ACOT7: variants seen among roughly 807,000 people sequenced by gnomAD.
ACOT7 encodes the protein cytosolic acyl coenzyme A thioester hydrolase.
In ACOT7, 12 loss-of-function variants were observed where a neutral mutation model predicts 40.2. That is an observed-to-expected ratio of 0.30 (90% CI 0.19 to 0.48). The LOEUF is 0.48. Among genes scored for constraint, ACOT7 ranks in the 20% least tolerant of loss-of-function variants. ACOT7 has a pLI of 0.99. For synonymous variants in ACOT7, 228 were observed against 219.5 expected (o/e 1.04, Z -0.34); for missense variants, 395 against 530.8 (o/e 0.74, Z 2.51).
intron 8 of ACOT7, among the ~76,000 whole-genome samples, chr1:6,273,790 C>G (rs1313070843): frequency 6.6e-6 from 1 of 152,278 alleles, no homozygotes; most frequent in Admixed American, 6.5e-5. Context: ...CTGCGCGCGG[C>G]CACCACACAG....
chr1:6,300,970 G>A (rs1199299369), intron 6 of ACOT7, among the ~76,000 whole-genome samples: 2 of 152,254 alleles, frequency 1.3e-5, no homozygotes, highest in South Asian at 4.1e-4. Flanking sequence ...GGTAGGATGG[G>A]ACCGGACCTG....
chr1:6,367,042 T>C (rs1463008900), intron 1 of ACOT7, among the ~76,000 whole-genome samples: 2 of 151,458 alleles, frequency 1.3e-5, no homozygotes, highest in Non-Finnish European at 2.9e-5. Flanking sequence ...ACTAAAAATA[T>C]AAAAAAATTA....
rs753782778 is a variant in ACOT7 at position 6,385,451 on chromosome 1, C to T, written c.143+7806G>A. 1.0e-5 allele frequency: 16 copies of T among 1,580,364 alleles called. No homozygotes were observed. In the East Asian group the frequency reaches 1.1e-4, roughly 11 times the overall value. ...GGCCCTGGCTGCCCAGTCGGCGTCG[C>T]AAGTGAGACACCATGGGCACAAAAT... On this transcript the variant is annotated intron_variant, in intron 1 of 8. Transcript: ENST00000361521.
In ACOT7 at chr1:6,327,406, C is replaced by A; in HGVS notation, c.518G>T (p.Arg173Leu). ...VLEVPPVVYS[R>L]QEQEEEGRKR... ...CCGGCCCTCCTCCTCCTGCTCCTGC[C>A]GGGAATACTGCGAGAAACCAAAGAC... Residue 173 changes from arginine (R) to leucine (L), a missense_variant, in exon 5 of 9, where the codon CGG (arginine) becomes CTG (leucine). Around this residue, in one of 2 missense-constraint regions of ACOT7, gnomAD observed 309 missense variants for 470.3 expected, o/e 0.66. Transcript: ENST00000361521. The A allele has an allele frequency of 6.2e-7, 1 of 1,614,116 alleles. No individual in the cohort carries two copies.
At chr1:6,276,386 C>T (rs537585789) in intron 8 of ACOT7, among the ~76,000 whole-genome samples, 5 of 152,248 alleles carry the variant, frequency 3.3e-5, no homozygotes, top group African/African-American at 1.2e-4. Context: ...CACGGGGAGG[C>T]CTGCCTCTAC....
intron 4 of ACOT7, among the ~76,000 whole-genome samples, chr1:6,327,665 T>C (rs1472148484): frequency 1.3e-5 from 2 of 152,238 alleles, no homozygotes; most frequent in African/African-American, 2.4e-5. Flanking sequence ...CCTACAAATA[T>C]ATAAAAAGCT....
intron 7 of ACOT7, 32 bp from the exon 8 acceptor site, chr1:6,281,318 G>A (rs756242866): frequency 4.9e-5 from 78 of 1,586,998 alleles, no homozygotes; most frequent in South Asian, 2.8e-4. Flanking sequence ...GGTCAGGGCG[G>A]CCTCCACCCC....
In ACOT7 at chr1:6,276,090, G is replaced by A. The variant is rs146606629; in HGVS notation, c.1014+5012C>T. On this transcript the variant is annotated intron_variant, in intron 8 of 8. Coordinates refer to ENST00000361521, the MANE Select transcript of ACOT7 (RefSeq NM_007274.4). ...GGGGCCTCAGCGAGCCCCTCACCCC[G>A]CCCTGTCTACACCTCCTCCTCAGGC... Among the ~76,000 whole-genome samples the A allele has an allele frequency of 3.4e-3, 514 of 152,120 alleles. 2 individuals are homozygous for A. The highest frequency in any genetic ancestry group is 0.011 in the African/African-American group (454 of 41,516).
chr1:6,304,530 A>AG (rs1640066511), intron 6 of ACOT7, among the ~76,000 whole-genome samples: 1 of 135,520 alleles, frequency 7.4e-6, no homozygotes, highest in Non-Finnish European at 1.6e-5. Flanking sequence ...TCCTAGGCAG[A>AG]GGACCCTGCG....
intron 1 of ACOT7, among the ~76,000 whole-genome samples, chr1:6,369,610 G>A (rs1420732082): frequency 4.1e-5 from 6 of 148,124 alleles, no homozygotes; most frequent in African/African-American, 1.2e-4. Flanking sequence ...ATGGAGTCTC[G>A]CTGTATCGCC....
chr1:6,318,394 A>T, intron 6 of ACOT7, 98 bp downstream of exon 6: 1 of 1,340,948 alleles, frequency 7.5e-7, no homozygotes, highest in Non-Finnish European at 1.0e-6. Flanking sequence ...TTCACCAAAC[A>T]CAAGAGCCTC....
intron 1 of ACOT7, among the ~76,000 whole-genome samples, chr1:6,366,964 C>T (rs1440516130): frequency 6.6e-6 from 1 of 151,732 alleles, no homozygotes; most frequent in Non-Finnish European, 1.5e-5. Flanking sequence ...TTTGGGAGGC[C>T]GAGGCAGGCG....
At position 6,338,050 on chromosome 1, in the gene ACOT7, G is replaced by A. The variant is rs1364186998; in HGVS notation, c.418+1383C>T. 6.7e-6 allele frequency among the ~76,000 whole-genome samples: 1 copy of A among 149,580 alleles called. No individual in the cohort carries two copies. Among genetic ancestry groups the A allele is most frequent in the African/African-American group, 2.5e-5 (1 of 40,616 alleles). ...AAACCTGCTCTTCAGGGCTTCCTCTGAGGCTATGGCCTCTGATGGACCACA... is the reference window on the plus strand; with the variant it reads ...AAACCTGCTCTTCAGGGCTTCCTCTAAGGCTATGGCCTCTGATGGACCACA... On this transcript the variant is annotated intron_variant, in intron 3 of 8. Coordinates refer to ENST00000361521, the MANE Select transcript of ACOT7 (RefSeq NM_007274.4). This position sits in a 1 kb window ranked among gnomAD's most constrained non-coding sequence, Gnocchi z 4.4.
intron 1 of ACOT7, among the ~76,000 whole-genome samples, chr1:6,365,263 CTTGA>C (rs930571020): frequency 2.0e-5 from 3 of 152,090 alleles, no homozygotes; most frequent in Non-Finnish European, 2.9e-5. Context: ...CAGTCTCGGT[CTTGA>C]TTGTGGTGAA....
chr1:6,272,113 C>T (rs185087544), intron 8 of ACOT7, among the ~76,000 whole-genome samples: 3 of 152,364 alleles, frequency 2.0e-5, no homozygotes, highest in Admixed American at 1.3e-4. Flanking sequence ...CCAGAAGCCG[C>T]GTGCTCATGG....
intron 1 of ACOT7, among the ~76,000 whole-genome samples, chr1:6,369,370 G>A (rs1314406770): frequency 6.6e-6 from 1 of 150,708 alleles, no homozygotes; most frequent in African/African-American, 2.4e-5. Flanking sequence ...GAACCACTAT[G>A]GCAGCCAGAG....
chr1:6,313,306 G>T (rs887399668), intron 6 of ACOT7, among the ~76,000 whole-genome samples: 8 of 152,232 alleles, frequency 5.3e-5, no homozygotes, highest in African/African-American at 1.7e-4. Flanking sequence ...GGGGAGGGAA[G>T]ATCAGGCCAG....
In ACOT7 at chr1:6,278,621, C is replaced by A. The variant is rs1639268343; in HGVS notation, c.1014+2481G>T. ...TGCTTTTGGGAACCCTGTTGAGGGG[C>A]AGCACTGGCCAAGTCAATTTGGGAG... On this transcript the variant is annotated intron_variant, in intron 8 of 8. Coordinates refer to ENST00000361521, the MANE Select transcript of ACOT7 (RefSeq NM_007274.4). This position sits in a 1 kb window ranked among gnomAD's most constrained non-coding sequence, Gnocchi z 4.1. Among the ~76,000 whole-genome samples, 1 of 152,156 alleles carries A rather than the reference C, an allele frequency of 6.6e-6. No individual in the cohort carries two copies. Among genetic ancestry groups the A allele is most frequent in the Admixed American group, 6.5e-5 (1 of 15,280 alleles).
intron 4 of ACOT7, among the ~76,000 whole-genome samples, chr1:6,331,013 T>C (rs3789486): frequency 0.33 from 49,900 of 152,006 alleles, 11,853 homozygotes; most frequent in African/African-American, 0.68. Flanking sequence ...GGGGTGGGTG[T>C]GCTTGCAATT....
Sources: gnomAD v4.1 joint callset for allele counts (sites outside exome capture counted in the v4.1 genomes callset) on GRCh38, gnomAD v4.1.1 for gene constraint, gnomAD v4.1.1 regional missense constraint, Gnocchi (gnomAD v3.1) non-coding constraint, MANE v1.5 for transcripts, NCBI Gene and HGNC (gene_info 2026-07-23, HGNC 2026-07-21) for gene names.